The following ARHGAP6 variants were observed in gnomAD, a reference collection of about 807,000 sequenced individuals.
ARHGAP6 encodes rho GTPase-activating protein 6.
Under a neutral mutation model 55.7 loss-of-function variants are expected in ARHGAP6, and 16 were observed. That is an observed-to-expected ratio of 0.29 (90% CI 0.19 to 0.44). The LOEUF (loss-of-function observed/expected upper bound fraction) is 0.44. Ranked by LOEUF, ARHGAP6 falls within the 20% of genes least tolerant of loss-of-function variation. The pLI, the probability that ARHGAP6 is intolerant of heterozygous loss-of-function variation, is 1.00. For missense variants in ARHGAP6, 698 were observed against 808.9 expected, an observed-to-expected ratio of 0.86 and a Z score of 1.66; for synonymous variants, 382 against 360.9, an observed-to-expected ratio of 1.06 and a Z score of -0.66.
chrX:11,327,932 G>A (rs907290928), intron 1 of ARHGAP6, among the ~76,000 whole-genome samples: 3 of 79,184 alleles, frequency 3.8e-5, no homozygotes, highest in African/African-American at 1.2e-4. Flanking sequence ...GGGTTTTAAA[G>A]GTACTTTACA....
rs2046677756 is a variant in ARHGAP6, at chrX:11,204,600, G to A, written c.749-7604C>T. Among the ~76,000 whole-genome samples the A allele has an allele frequency of 2.7e-5, 3 of 111,617 alleles. No individual in the cohort carries two copies. In the South Asian group the frequency reaches 1.1e-3, roughly 43 times the overall value. ...TGTTTGAGGTCTCTTTACAACTGGA[G>A]ACTTATTTTTCCCTTTGCTTACCAG... On this transcript the variant is annotated intron_variant, in intron 2 of 12. Transcript: ENST00000337414.
At chrX:11,218,420 T>A (rs187423959) in intron 2 of ARHGAP6, among the ~76,000 whole-genome samples, 2 of 111,740 alleles carry the variant, frequency 1.8e-5, no homozygotes, top group African/African-American at 6.5e-5. Flanking sequence ...GGCCTGAAAT[T>A]TTCTTTTTTT....
intron 1 of ARHGAP6, among the ~76,000 whole-genome samples, chrX:11,277,114 A>G (rs2047781666): frequency 9.0e-6 from 1 of 111,669 alleles, no homozygotes; most frequent in South Asian, 3.8e-4. Flanking sequence ...CATTTAATAT[A>G]AAAGTAGAAT....
At chrX:11,225,736 C>T (rs2047036475) in intron 2 of ARHGAP6, 2 of 625,302 alleles carry the variant, frequency 3.2e-6, no homozygotes, top group Admixed American at 3.0e-5. Flanking sequence ...GATTGAGCCG[C>T]CACATGAGCA....
intron 1 of ARHGAP6, among the ~76,000 whole-genome samples, chrX:11,385,104 A>G (rs1025940765): frequency 1.8e-5 from 2 of 111,903 alleles, no homozygotes; most frequent in Non-Finnish European, 3.8e-5. Flanking sequence ...AGCACAATAA[A>G]GGCCCAGTGG....
At chrX:11,471,920 A>T (rs2050350723) in intron 1 of ARHGAP6, among the ~76,000 whole-genome samples, 1 of 111,843 alleles carries the variant, frequency 8.9e-6, no homozygotes, top group Non-Finnish European at 1.9e-5. Flanking sequence ...CCATTCATTC[A>T]GTCATTAACG....
chrX:11,427,809 GGGGGAA>G, intron 1 of ARHGAP6: 20 of 740,802 alleles, frequency 2.7e-5, no homozygotes, highest in Non-Finnish European at 3.2e-5. Flanking sequence ...CGAAGGGGGA[GGGGGAA>G]GAGGAGGAGG....
At chrX:11,414,733 G>A (rs147871450) in intron 1 of ARHGAP6, among the ~76,000 whole-genome samples, 4,189 of 111,501 alleles carry the variant, frequency 0.038, 203 homozygotes, top group African/African-American at 0.13. Context: ...ATTGCCAAAC[G>A]TTGCCTCTGG....
intron 1 of ARHGAP6, among the ~76,000 whole-genome samples, chrX:11,658,464 T>C (rs1482797429): frequency 9.0e-6 from 1 of 111,192 alleles, no homozygotes; most frequent in Non-Finnish European, 1.9e-5. Flanking sequence ...ACACTTTTTG[T>C]CAATTTCTTT....
At chrX:11,174,573 C>CCTTCCTTCCTTCCTTTCTTT (rs1491543420) in intron 8 of ARHGAP6, among the ~76,000 whole-genome samples, 1 of 42,287 alleles carries the variant, frequency 2.4e-5, no homozygotes, top group African/African-American at 9.6e-5. Context: ...TTCCTTCCTT[C>CCTTCCTTCCTTCCTTTCTTT]CTTTCTTTCT....
chrX:11,227,127 A>C (rs1356563174), intron 2 of ARHGAP6, among the ~76,000 whole-genome samples: 3 of 112,255 alleles, frequency 2.7e-5, no homozygotes, highest in African/African-American at 9.7e-5. Flanking sequence ...ATAAACTAGG[A>C]AAAGCGTTTG....
intron 1 of ARHGAP6, among the ~76,000 whole-genome samples, chrX:11,288,065 AC>A (rs1346269320): frequency 1.8e-5 from 2 of 111,983 alleles, no homozygotes; most frequent in African/African-American, 6.5e-5. Flanking sequence ...CCCTATTGAA[AC>A]GTGCAACTCA....
chrX:11,652,900 A>G (rs1322164172), intron 1 of ARHGAP6, among the ~76,000 whole-genome samples: 1 of 112,285 alleles, frequency 8.9e-6, no homozygotes, highest in African/African-American at 3.2e-5. Context: ...ATTTGCTCGT[A>G]GAATGCTAAA....
At chrX:11,571,841 T>C (rs1223351759) in intron 1 of ARHGAP6, among the ~76,000 whole-genome samples, 3 of 109,581 alleles carry the variant, frequency 2.7e-5, no homozygotes, top group Non-Finnish European at 1.9e-5. Flanking sequence ...TGAGCCGTGA[T>C]TGCATCACTG....
chrX:11,299,826 G>A (rs2048146707), intron 1 of ARHGAP6, among the ~76,000 whole-genome samples: 1 of 111,996 alleles, frequency 8.9e-6, no homozygotes, highest in Non-Finnish European at 1.9e-5. Flanking sequence ...TTCCAATTCT[G>A]GCTTTGCCCT....
rs200411338 is a variant in ARHGAP6 at position 11,590,907 on chromosome X, AAAG to A, written c.588+73331_588+73333del. 1.8e-4 allele frequency among the ~76,000 whole-genome samples: 17 copies of A among 93,098 alleles called. 1 individual carries two copies. The highest frequency in any genetic ancestry group is 2.4e-4 in the Admixed American group (2 of 8,173). The allele number at this position is 93,098 out of a possible 115,157, so 80.8% of individuals were successfully genotyped here. ...GAAAGAAAGAAAGAAAGAAAGAAAG[AAAG>A]AAAGAAAAGAAAAGAAAAGATAAGT... On this transcript the variant is annotated intron_variant, in intron 1 of 12. Coordinates refer to ENST00000337414, the MANE Select transcript of ARHGAP6 (RefSeq NM_013427.3).
chrX:11,291,003 G>C (rs2047983855), intron 1 of ARHGAP6, among the ~76,000 whole-genome samples: 1 of 112,068 alleles, frequency 8.9e-6, no homozygotes, highest in Admixed American at 9.5e-5. Context: ...GCTAACATAA[G>C]CATTGTGAGA....
At chrX:11,160,037 A>G (rs1480457885) in intron 9 of ARHGAP6, among the ~76,000 whole-genome samples, 4 of 111,538 alleles carry the variant, frequency 3.6e-5, no homozygotes, top group Non-Finnish European at 7.5e-5. Flanking sequence ...ATAATATAGG[A>G]CAAAAATGTA....
intron 1 of ARHGAP6, among the ~76,000 whole-genome samples, chrX:11,366,943 G>A (rs190497623): frequency 1.8e-5 from 2 of 111,946 alleles, no homozygotes; most frequent in African/African-American, 6.5e-5. Flanking sequence ...ATGGAAGTAT[G>A]TTTAAGGAGC....
Sources: gnomAD v4.1 joint callset for allele counts (sites outside exome capture counted in the v4.1 genomes callset) on GRCh38, gnomAD v4.1.1 for gene constraint, MANE v1.5 for transcripts, NCBI Gene and HGNC (gene_info 2026-07-23, HGNC 2026-07-21) for gene names.